Variants in GID4 observed in about 807,000 individuals in gnomAD.
GID4 encodes glucose-induced degradation protein 4 homolog.
In GID4, 7 loss-of-function variants were observed where a neutral mutation model predicts 32.4. The ratio of observed to expected loss-of-function variants is 0.22; its 90% CI spans 0.12 to 0.41. The LOEUF is 0.41. Among genes scored for constraint, GID4 ranks in the 10% least tolerant of loss-of-function variants. The pLI is 1.00. For synonymous variants in GID4, 166 were observed against 170.0 expected, an observed-to-expected ratio of 0.98 and a Z score of 0.18; for missense variants, 309 against 400.0, an observed-to-expected ratio of 0.77 and a Z score of 1.94.
chr17:18,063,694 A>G (rs1018059026), intron 5 of GID4, among the ~76,000 whole-genome samples: 2 of 152,158 alleles, frequency 1.3e-5, no homozygotes, highest in African/African-American at 4.8e-5. Flanking sequence ...ATGTTGTACC[A>G]TGTATCAGAA....
intron 3 of GID4, among the ~76,000 whole-genome samples, chr17:18,058,398 G>A (rs1313941048): frequency 1.3e-5 from 2 of 152,140 alleles, no homozygotes; most frequent in Non-Finnish European, 2.9e-5. Context: ...TCTAGTGTCT[G>A]CTTAGCTAGC....
At chr17:18,042,374 C>G (rs1203035855) in intron 1 of GID4, among the ~76,000 whole-genome samples, 1 of 152,210 alleles carries the variant, frequency 6.6e-6, no homozygotes, top group African/African-American at 2.4e-5. Flanking sequence ...TTTGTCTATT[C>G]TGGACATTTC....
At chr17:18,065,157 T>A in intron 5 of GID4, 23 bp from the exon 6 acceptor site, 1 of 1,602,616 alleles carries the variant, frequency 6.2e-7, no homozygotes, top group East Asian at 2.2e-5. Flanking sequence ...CTACCTCCCG[T>A]TTCTGTCTCC....
intron 2 of GID4, among the ~76,000 whole-genome samples, chr17:18,046,922 CAAAAAAA>C (rs71155311): frequency 8.6e-5 from 10 of 115,764 alleles, no homozygotes; most frequent in South Asian, 6.2e-4. Context: ...AACTTTGTCT[CAAAAAAA>C]AAAAAAAAAA....
chr17:18,054,171 C>CA lies in GID4; in HGVS notation c.549dup (p.His184ThrfsTer12). ...CCTTCTTCGAAGGAGAAATAATCAG[C>CA]AAAAAACACCCTTTCTTAACTCGCA... On this transcript the variant is annotated frameshift_variant, in exon 3 of 6. Transcript: ENST00000268719. LOFTEE classifies it high-confidence loss of function. The CA allele has an allele frequency of 6.2e-7, 1 of 1,612,942 alleles. No homozygotes were observed. Among genetic ancestry groups the CA allele is most frequent in the Non-Finnish European group, 8.5e-7 (1 of 1,179,240 alleles).
intron 2 of GID4, among the ~76,000 whole-genome samples, chr17:18,053,808 G>T (rs1196618401): frequency 6.6e-6 from 1 of 152,124 alleles, no homozygotes; most frequent in Non-Finnish European, 1.5e-5. Flanking sequence ...GATCTGCTTT[G>T]TATGCTAGAA....
At chr17:18,042,213 C>T (rs1204810319) in intron 1 of GID4, among the ~76,000 whole-genome samples, 5 of 152,052 alleles carry the variant, frequency 3.3e-5, no homozygotes, top group African/African-American at 4.8e-5. Flanking sequence ...GTGTACAATT[C>T]AATAGTTTTT....
chr17:18,056,640 T>C, intron 3 of GID4: 1 of 1,498,746 alleles, frequency 6.7e-7, no homozygotes, highest in South Asian at 1.3e-5. Context: ...AGTTTTAGGC[T>C]AGGTTGACTA....
rs753553281 is a variant in GID4, at chr17:18,039,791, C to T, written c.327C>T (p.Pro109=). The part of the protein sequence containing the change: ...ASAASLIPPP[P]INTQQPGVAT... Reference sequence around the variant, plus strand: ...CGGCCTCACTCATCCCGCCGCCGCCCATCAACACCCAGCAGCCCGGCGTGG... The same window carrying T: ...CGGCCTCACTCATCCCGCCGCCGCCTATCAACACCCAGCAGCCCGGCGTGG... The change falls in exon 1 of 6, where the codon CCC becomes CCT. Residue 109 remains proline, a synonymous_variant. Coordinates refer to ENST00000268719, the MANE Select transcript of GID4 (RefSeq NM_024052.5). The surrounding 1 kb of genome is among the most constrained non-coding windows in gnomAD (Gnocchi z 5.3). The T allele has an allele frequency of 5.7e-6, 9 of 1,576,878 alleles. No homozygotes were observed. The South Asian group carries it at 1.0e-4, about 18-fold the overall frequency.
intron 2 of GID4, among the ~76,000 whole-genome samples, chr17:18,045,911 GAAAA>G (rs957080536): frequency 8.0e-5 from 12 of 149,524 alleles, no homozygotes; most frequent in African/African-American, 2.2e-4. Flanking sequence ...AAAAAAGAAA[GAAAA>G]AAAAGGGGAA....
At chr17:18,046,255 C>G (rs2044851700) in intron 2 of GID4, among the ~76,000 whole-genome samples, 1 of 152,176 alleles carries the variant, frequency 6.6e-6, no homozygotes, top group South Asian at 2.1e-4. Context: ...CCCCTTCCTG[C>G]ATCTGTGACC....
chr17:18,048,028 G>T (rs2044871717), intron 2 of GID4, among the ~76,000 whole-genome samples: 1 of 151,536 alleles, frequency 6.6e-6, no homozygotes, highest in African/African-American at 2.4e-5. Context: ...AGCCTCCCGA[G>T]TAGCTGGGAC....
chr17:18,040,867 C>A (rs76850746), intron 1 of GID4, among the ~76,000 whole-genome samples: 1 of 152,178 alleles, frequency 6.6e-6, no homozygotes, highest in Non-Finnish European at 1.5e-5. Context: ...TCGCCTCCCC[C>A]CATTTGACCT....
At position 18,039,524 on chromosome 17, in the gene GID4, G is replaced by T. The variant is rs1597685254; in HGVS notation, c.60G>T (p.Ser20=). 5 of 1,310,168 alleles carry T rather than the reference G, an allele frequency of 3.8e-6. No homozygotes were observed. The South Asian group carries it at 1.2e-4, about 31-fold the overall frequency. 81.2% of individuals were successfully genotyped at this position (1,310,168 alleles called of 1,614,324 possible). A position where few individuals can be genotyped will look rare whatever the true frequency, so the allele number is the denominator to read the frequency against. Residue 20 remains serine (S), a synonymous_variant, in exon 1 of 6, where the codon TCG becomes TCT. Coordinates refer to ENST00000268719, the MANE Select transcript of GID4 (RefSeq NM_024052.5). The surrounding 1 kb of genome is among the most constrained non-coding windows in gnomAD (Gnocchi z 5.3). ...AGCTCAGGACTGGGAGGCCCTGCTC[G>T]CAGGTCCCTGGGTCCCGGTGGCGGC... ...GTQLRTGRPC[S]QVPGSRWRPE... is the part of the protein sequence containing the mutation.
intron 2 of GID4, among the ~76,000 whole-genome samples, chr17:18,052,891 G>A (rs1264728643): frequency 1.3e-5 from 2 of 151,694 alleles, no homozygotes; most frequent in Non-Finnish European, 2.9e-5. Context: ...TAGTTCATGT[G>A]ACAGAATTAA....
At chr17:18,055,646 A>G (rs1017332017) in intron 3 of GID4, among the ~76,000 whole-genome samples, 1 of 151,814 alleles carries the variant, frequency 6.6e-6, no homozygotes, top group South Asian at 2.1e-4. Context: ...GTGCCACCAC[A>G]CTGAGCTCAT....
At position 18,039,515 on chromosome 17, in the gene GID4, G is replaced by GC; in HGVS notation, c.54dup (p.Cys19LeufsTer144). The GC allele has an allele frequency of 1.5e-6, 2 of 1,315,062 alleles. No homozygotes were observed. The highest frequency in any genetic ancestry group is 1.9e-6 in the Non-Finnish European group (2 of 1,036,576). The allele number at this position is 1,315,062 out of a possible 1,614,324, so 81.5% of individuals were successfully genotyped here. The stretch of plus-strand genomic sequence containing the variant: ...GGGGGACCCAGCTCAGGACTGGGAG[G>GC]CCCTGCTCGCAGGTCCCTGGGTCCC... On this transcript the variant is annotated frameshift_variant, in exon 1 of 6. Transcript: ENST00000268719. LOFTEE classifies it high-confidence loss of function. The surrounding 1 kb of genome is among the most constrained non-coding windows in gnomAD (Gnocchi z 5.3).
chr17:18,052,695 T>A (rs2044924054), intron 2 of GID4, among the ~76,000 whole-genome samples: 1 of 152,214 alleles, frequency 6.6e-6, no homozygotes, highest in African/African-American at 2.4e-5. Flanking sequence ...TAATCTTTTT[T>A]AAAATCATTG....
rs768461566 is a variant in GID4, at chr17:18,067,670, C to T, written c.*2427C>T. The T allele has an allele frequency of 4.6e-5, 7 of 152,650 alleles. No individual in the cohort carries two copies. The highest frequency in any genetic ancestry group is 1.0e-4 in the Non-Finnish European group (7 of 68,030). The allele number at this position is 152,650 out of a possible 1,614,324, so 9.5% of individuals were successfully genotyped here. A position where few individuals can be genotyped will look rare whatever the true frequency, so the allele number is the denominator to read the frequency against. On this transcript the variant is annotated 3_prime_UTR_variant, in exon 6 of 6. Transcript: ENST00000268719. The stretch of plus-strand genomic sequence containing the variant: ...GGGGAATCATCTTCATCCGTAGTTA[C>T]GCTTTCCTGAACCTTCTCAGTGGTT...
Sources: allele counts gnomAD v4.1 joint callset (sites outside exome capture counted in the v4.1 genomes callset), GRCh38; gene constraint gnomAD v4.1.1; non-coding constraint Gnocchi (gnomAD v3.1); transcripts MANE v1.5; gene names NCBI Gene and HGNC (gene_info 2026-07-23, HGNC 2026-07-21).